GABRR1: variants seen among roughly 807,000 people sequenced by gnomAD.
The protein encoded by GABRR1 is gamma-aminobutyric acid type A receptor subunit rho1.
A neutral mutation model predicts 55.5 loss-of-function variants in GABRR1; 59 were observed. That is an observed-to-expected ratio of 1.06 (90% CI 0.86 to 1.32). The LOEUF (loss-of-function observed/expected upper bound fraction) is 1.32, where lower values mean the gene tolerates loss of function less well. GABRR1 is among the 40% of genes most tolerant of loss of function. The pLI is 0.00. For missense variants in GABRR1, 602 were observed against 619.1 expected (o/e 0.97, Z 0.29); for synonymous variants, 213 against 226.0 (o/e 0.94, Z 0.51).
chr6:89,178,410 AG>A lies in GABRR1; in HGVS notation c.*359del. ...AGCCTGAACAATGTAATGACACTTG[AG>A]GAAAATAAATTATTCATGTGAATAG... On this transcript the variant is annotated 3_prime_UTR_variant, in exon 10 of 10. Transcript: ENST00000454853. 1 of 258,224 alleles carries A rather than the reference AG, an allele frequency of 3.9e-6. No homozygotes were observed. The highest frequency in any genetic ancestry group is 1.4e-3 in the Middle Eastern group (1 of 722). 16.0% of individuals were successfully genotyped at this position (258,224 alleles called of 1,614,324 possible). A position where few individuals can be genotyped will look rare whatever the true frequency, so the allele number is the denominator to read the frequency against.
intron 1 of GABRR1, among the ~76,000 whole-genome samples, chr6:89,210,211 T>TTTG (rs1772790444): frequency 1.1e-5 from 1 of 92,918 alleles, no homozygotes; most frequent in African/African-American, 4.7e-5. Context: ...TTTTTTTTTT[T>TTTG]GGAGATAGTT....
rs997720461 is a variant in GABRR1, at chr6:89,224,774, T to C, written c.-410-3328A>G. ...ATATGTAGAAGAGTTTTTCTGATGT[T>C]TTCTTCTAGAATTTTTTTTTTTCCC... On this transcript the variant is annotated intron_variant, in intron 1 of 11. Coordinates refer to the GABRR1 transcript ENST00000369451. 2.1e-5 allele frequency among the ~76,000 whole-genome samples: 3 copies of C among 142,778 alleles called. No homozygotes were observed. The East Asian group carries it at 5.8e-4, about 28-fold the overall frequency. 93.7% of individuals were successfully genotyped at this position (142,778 alleles called of 152,430 possible).
chr6:89,193,971 A>T (rs1049503023), intron 5 of GABRR1, among the ~76,000 whole-genome samples: 3 of 152,150 alleles, frequency 2.0e-5, no homozygotes, highest in African/African-American at 7.2e-5. Context: ...TGACTTCTAC[A>T]CTGGAAAAAG....
At chr6:89,184,767 A>G (rs149709695) in intron 7 of GABRR1, among the ~76,000 whole-genome samples, 3 of 152,252 alleles carry the variant, frequency 2.0e-5, no homozygotes, top group East Asian at 3.9e-4. Flanking sequence ...TTAAGTTCTT[A>G]CTAATTTTTT....
rs1238822703 is a variant in GABRR1, at chr6:89,197,928, A to G, written c.572+92T>C. The G allele has an allele frequency of 2.9e-6, 3 of 1,022,874 alleles. No individual in the cohort carries two copies. The African/African-American group carries it at 4.8e-5, about 16-fold the overall frequency. The allele number at this position is 1,022,874 out of a possible 1,614,324, so 63.4% of individuals were successfully genotyped here. A position where few individuals can be genotyped will look rare whatever the true frequency, so the allele number is the denominator to read the frequency against. Reference sequence around the variant, plus strand: ...AGAAGCTGGCAACTACTGAAAAGTTAGAAAGTAGACATTCAGAGCCAAAAA... The same window carrying G: ...AGAAGCTGGCAACTACTGAAAAGTTGGAAAGTAGACATTCAGAGCCAAAAA... On this transcript the variant is annotated intron_variant, in intron 5 of 9. Coordinates refer to ENST00000454853, the MANE Select transcript of GABRR1 (RefSeq NM_002042.5).
At position 89,225,962 on chromosome 6, in the gene GABRR1, T is replaced by C. The variant is rs531903098; in HGVS notation, c.-410-4516A>G. ...ACTTTTTAATGATTGCCATTCTAAC[T>C]GGTGTGAGATGGTATCTCATAGTGG... On this transcript the variant is annotated intron_variant, in intron 1 of 11. Transcript: ENST00000369451. 6.3e-3 allele frequency among the ~76,000 whole-genome samples: 951 copies of C among 150,494 alleles called. 12 individuals are homozygous for C. Among genetic ancestry groups the C allele is most frequent in the African/African-American group, 0.022 (899 of 40,658 alleles).
chr6:89,196,986 C>A (rs553147644), intron 5 of GABRR1, among the ~76,000 whole-genome samples: 8 of 152,088 alleles, frequency 5.3e-5, no homozygotes, highest in Non-Finnish European at 1.2e-4. Context: ...CATCCTGGAC[C>A]CGCCTGAGTA....
chr6:89,230,779 G>A (rs1211456202), intron 1 of GABRR1, among the ~76,000 whole-genome samples: 1 of 151,780 alleles, frequency 6.6e-6, no homozygotes, highest in Non-Finnish European at 1.5e-5. Flanking sequence ...CTTGAGCTGT[G>A]GTGGGCTCCA....
intron 2 of GABRR1, among the ~76,000 whole-genome samples, chr6:89,202,368 T>C (rs1214334590): frequency 6.6e-6 from 1 of 151,744 alleles, no homozygotes; most frequent in African/African-American, 2.4e-5. Context: ...CTCGGCTCAC[T>C]GCAACCTCCA....
intron 5 of GABRR1, among the ~76,000 whole-genome samples, chr6:89,197,260 G>A (rs1168465817): frequency 3.3e-5 from 5 of 152,252 alleles, no homozygotes; most frequent in South Asian, 4.1e-4. Context: ...TCATCAGCAC[G>A]GAAGCCAAAG....
At chr6:89,193,355 A>T (rs906809845) in intron 5 of GABRR1, among the ~76,000 whole-genome samples, 1 of 152,210 alleles carries the variant, frequency 6.6e-6, no homozygotes, top group Non-Finnish European at 1.5e-5. Context: ...TCCTTAAAAT[A>T]AATTCAAAGC....
chr6:89,231,136 G>A (rs1173329682), intron 1 of GABRR1: 11 of 153,098 alleles, frequency 7.2e-5, no homozygotes, highest in South Asian at 2.0e-4. Flanking sequence ...CACGGTGCGC[G>A]CACCCACTGG....
chr6:89,205,206 G>A (rs1772605110), intron 1 of GABRR1, among the ~76,000 whole-genome samples: 1 of 152,146 alleles, frequency 6.6e-6, no homozygotes, highest in Non-Finnish European at 1.5e-5. Context: ...AAAAGTGAAG[G>A]AGCCAGAAGT....
At chr6:89,200,371 C>T (rs768011235) in intron 3 of GABRR1, among the ~76,000 whole-genome samples, 2 of 150,902 alleles carry the variant, frequency 1.3e-5, no homozygotes, top group African/African-American at 2.4e-5. Flanking sequence ...GCCTCAGCCT[C>T]CTGAATAGCT....
intron 1 of GABRR1, chr6:89,204,484 C>A: frequency 2.7e-6 from 1 of 368,564 alleles, no homozygotes; most frequent in Non-Finnish European, 4.8e-6. Context: ...CCCTCAATAC[C>A]TATTAGTTGA....
chr6:89,198,088 G>C lies in GABRR1; in HGVS notation c.504C>G (p.Ile168Met). The C allele has an allele frequency of 1.2e-6, 2 of 1,614,152 alleles. No homozygotes were observed. Among genetic ancestry groups the C allele is most frequent in the Non-Finnish European group, 1.7e-6 (2 of 1,180,040 alleles). Residue 168 changes from isoleucine (I) to methionine (M), a missense_variant, in exon 5 of 10, where the codon ATC becomes ATG. By Grantham distance (10) the Ile-to-Met change is conservative. Coordinates refer to ENST00000454853, the MANE Select transcript of GABRR1 (RefSeq NM_002042.5). ...MFFVHSKRSF[I>M]HDTTTDNVML... ...TGACGTTGTCTGTGGTGGTGTCGTG[G>C]ATGAAGGAGCGTTTGGAGTGCACGA...
intron 7 of GABRR1, among the ~76,000 whole-genome samples, chr6:89,182,399 G>A (rs1771757654): frequency 6.6e-6 from 1 of 152,046 alleles, no homozygotes; most frequent in South Asian, 2.1e-4. Flanking sequence ...ACTCCTGGGT[G>A]CAAGCAATCC....
intron 9 of GABRR1, among the ~76,000 whole-genome samples, chr6:89,179,824 A>T (rs2127788254): frequency 6.6e-6 from 1 of 152,326 alleles, no homozygotes; most frequent in Non-Finnish European, 1.5e-5. Context: ...AAGGAGAGTC[A>T]GGTGGGAGGA....
intron 1 of GABRR1, among the ~76,000 whole-genome samples, chr6:89,223,319 G>A (rs1773140885): frequency 6.6e-6 from 1 of 152,132 alleles, no homozygotes; most frequent in African/African-American, 2.4e-5. Flanking sequence ...CCATTCCTGA[G>A]TTACTTCACT....
Sources: allele counts gnomAD v4.1 joint callset (sites outside exome capture counted in the v4.1 genomes callset), GRCh38; gene constraint gnomAD v4.1.1; transcripts MANE v1.5; gene names NCBI Gene and HGNC (gene_info 2026-07-23, HGNC 2026-07-21).